UPF3A: variants seen among roughly 807,000 people sequenced by gnomAD.
UPF3A encodes UPF3A regulator of nonsense mediated mRNA decay.
UPF3A carries 42 observed loss-of-function variants against 53.5 expected under a neutral mutation model. The ratio of observed to expected loss-of-function variants is 0.78; its 90% CI spans 0.61 to 1.01. The LOEUF is 1.01. Among genes scored for constraint, UPF3A ranks in the 50% least tolerant of loss-of-function variants. The pLI, the probability that UPF3A is intolerant of heterozygous loss-of-function variation, is 0.00. For missense variants in UPF3A, 575 were observed against 598.0 expected (o/e 0.96, Z 0.40); for synonymous variants, 237 against 225.3 (o/e 1.05, Z -0.47).
At chr13:114,296,280 G>A (rs1566760017) in intron 7 of UPF3A, among the ~76,000 whole-genome samples, 1 of 152,216 alleles carries the variant, frequency 6.6e-6, no homozygotes, top group Non-Finnish European at 1.5e-5. Context: ...TTACTCAGGA[G>A]GCTGAGGCAG....
At chr13:114,301,696 T>C in intron 8 of UPF3A, 35 bp from the exon 9 acceptor site, 2 of 1,586,548 alleles carry the variant, frequency 1.3e-6, no homozygotes, top group Non-Finnish European at 1.7e-6. Flanking sequence ...ACCGGCGGTT[T>C]ACTGCAGTTG....
intron 5 of UPF3A, chr13:114,287,170 C>T (rs1042543844): frequency 3.3e-5 from 5 of 153,552 alleles, no homozygotes; most frequent in African/African-American, 9.7e-5. Context: ...CCAGTAGCAC[C>T]AACATACTTC....
rs961926289 is a variant in UPF3A, at chr13:114,286,835, C to G, written c.631+206C>G. 11 of 564,396 alleles carry G rather than the reference C, an allele frequency of 1.9e-5. No homozygotes were observed. In the Admixed American group the frequency reaches 3.4e-4, roughly 17 times the overall value. 35.0% of individuals were successfully genotyped at this position (564,396 alleles called of 1,614,324 possible). On this transcript the variant is annotated intron_variant, in intron 5 of 9. Transcript: ENST00000375299. ...TCTGAGCGTTGGTTGATGGAGAGCA[C>G]GTGATTTTTTTAGTTAAGATCATTT... is the stretch of plus-strand genomic sequence containing the variant.
At chr13:114,289,741 G>C (rs529126505) in intron 5 of UPF3A, among the ~76,000 whole-genome samples, 1 of 152,284 alleles carries the variant, frequency 6.6e-6, no homozygotes, top group East Asian at 1.9e-4. Context: ...CCTGGGTTCA[G>C]CTCTGAGACT....
In UPF3A at chr13:114,282,096, G is replaced by C; in HGVS notation, c.283G>C (p.Asp95His). The change falls in exon 2 of 10, where the codon GAC becomes CAC. Residue 95 changes from aspartate to histidine, a missense_variant. Asp to His is a moderately conservative substitution (Grantham distance 81). Transcript: ENST00000375299. ...EEQLRPLPAH[D>H]YFEFFAADLS... ...GCAGCTGCGCCCGCTGCCAGCACACGACTACTTCGAGTTCTTCGCCGCCGA... is the reference window on the plus strand; with the variant it reads ...GCAGCTGCGCCCGCTGCCAGCACACCACTACTTCGAGTTCTTCGCCGCCGA... 6.3e-7 allele frequency: 1 copy of C among 1,577,402 alleles called. No individual in the cohort carries two copies. Among genetic ancestry groups the C allele is most frequent in the Non-Finnish European group, 8.6e-7 (1 of 1,162,670 alleles).
chr13:114,290,273 A>C (rs1015388152), intron 5 of UPF3A, among the ~76,000 whole-genome samples: 1 of 152,154 alleles, frequency 6.6e-6, no homozygotes, highest in East Asian at 1.9e-4. Flanking sequence ...CTTCTGGGAC[A>C]GGTGCCATTT....
At chr13:114,296,699 G>A (rs2086064442) in intron 7 of UPF3A, among the ~76,000 whole-genome samples, 1 of 152,156 alleles carries the variant, frequency 6.6e-6, no homozygotes, top group Non-Finnish European at 1.5e-5. Context: ...TCTGAAAGGG[G>A]GGCAGTCTTG....
chr13:114,292,810 A>C (rs1197284622), intron 7 of UPF3A, among the ~76,000 whole-genome samples: 1 of 152,100 alleles, frequency 6.6e-6, no homozygotes, highest in Non-Finnish European at 1.5e-5. Flanking sequence ...TCCTTTAAAA[A>C]AAAGTTTTCC....
At chr13:114,304,440 C>G (rs369420319) in intron 9 of UPF3A, among the ~76,000 whole-genome samples, 1 of 152,208 alleles carries the variant, frequency 6.6e-6, no homozygotes, top group Non-Finnish European at 1.5e-5. Flanking sequence ...TTACTACTCA[C>G]GTTAATAAGT....
rs1010627920 is a variant in UPF3A, at chr13:114,298,373, C to CA, written c.847-450dup. Among the ~76,000 whole-genome samples the CA allele has an allele frequency of 8.9e-3, 1,012 of 114,216 alleles. 5 individuals are homozygous for CA. Among genetic ancestry groups the CA allele is most frequent in the Non-Finnish European group, 0.011 (597 of 53,120 alleles). The allele number at this position is 114,216 out of a possible 152,430, so 74.9% of individuals were successfully genotyped here. On this transcript the variant is annotated intron_variant, in intron 7 of 9. Transcript: ENST00000375299. Reference sequence around the variant, plus strand: ...GGGCAACAAGAGTGAAACTCCATCTCAAAAAAAAAAAAAAAAATTAGACGG... The same window carrying CA: ...GGGCAACAAGAGTGAAACTCCATCTCAAAAAAAAAAAAAAAAAATTAGACGG...
At chr13:114,295,413 AGCTCGTCTCCAGCG>A (rs1459934251) in intron 7 of UPF3A, among the ~76,000 whole-genome samples, 51 of 146,356 alleles carry the variant, frequency 3.5e-4, no homozygotes, top group Middle Eastern at 3.6e-3. Context: ...CGTGCTCCCC[AGCTCGTCTCCAGCG>A]GCTCTGGCCT....
intron 5 of UPF3A, chr13:114,286,897 C>T (rs2084747259): frequency 2.5e-6 from 1 of 393,596 alleles, no homozygotes; most frequent in East Asian, 4.9e-5. Flanking sequence ...GTGCAGAAGA[C>T]ACATGAATGG....
Position 114,291,512 on chromosome 13 carries a change from G to A in UPF3A, c.655G>A (p.Glu219Lys), listed in dbSNP as rs756993621. 1.2e-6 allele frequency: 2 copies of A among 1,608,156 alleles called. No individual in the cohort carries two copies. Among genetic ancestry groups the A allele is most frequent in the Non-Finnish European group, 1.7e-6 (2 of 1,178,250 alleles). ...LIARRTTPLL[E>K]YIKNRKLEKQ... ...AGCTAGAAGAACCACACCTCTTTTG[G>A]AATATATTAAAAATAGAAAATTAGA... Residue 219 changes from glutamate to lysine, a missense_variant, in exon 6 of 10, where the codon GAA becomes AAA. Physicochemically the swap from Glu to Lys is moderately conservative, Grantham distance 56 (BLOSUM62 1). Around this residue, in one of 2 missense-constraint regions of UPF3A, gnomAD observed 323 missense variants for 415.2 expected, o/e 0.78. Transcript: ENST00000375299.
chr13:114,299,556 C>T (rs1000817866), intron 8 of UPF3A, among the ~76,000 whole-genome samples: 1 of 152,228 alleles, frequency 6.6e-6, no homozygotes, highest in South Asian at 2.1e-4. Context: ...TGGCTGTGCA[C>T]TGTGGGTCCT....
intron 8 of UPF3A, among the ~76,000 whole-genome samples, chr13:114,300,909 A>C (rs955472632): frequency 6.6e-6 from 1 of 151,398 alleles, no homozygotes; most frequent in African/African-American, 2.4e-5. Context: ...TCCTGACCTC[A>C]AATGATCTGC....
Position 114,304,934 on chromosome 13 carries a change from G to A in UPF3A, c.*17G>A, listed in dbSNP as rs779629555. 3.7e-6 allele frequency: 6 copies of A among 1,609,240 alleles called. No individual in the cohort carries two copies. In the African/African-American group the frequency reaches 6.7e-5, roughly 18 times the overall value. ...GCAGAGTGAGTCACTGCACGCACCT[G>A]GCCTCCATGGACGAGCAAGGGCATC... is the stretch of plus-strand genomic sequence containing the variant. On this transcript the variant is annotated 3_prime_UTR_variant, in exon 10 of 10. Transcript: ENST00000375299.
intron 3 of UPF3A, chr13:114,285,549 T>C (rs2084600170): frequency 6.6e-6 from 1 of 150,454 alleles, no homozygotes. Flanking sequence ...TACTGACAAG[T>C]CAAAAAAAAA....
chr13:114,291,662 G>A lies in UPF3A; in HGVS notation c.716G>A (p.Arg239Gln), dbSNP rs778406286. 4.4e-6 allele frequency: 7 copies of A among 1,606,580 alleles called. No homozygotes were observed. Among genetic ancestry groups the A allele is most frequent in the Admixed American group, 3.4e-5 (2 of 58,732 alleles). ...QRIREEKREERRRRELEKKRL... is the reference protein window; with the variant it reads ...QRIREEKREEQRRRELEKKRL... ...ATTCGAGAAGAGAAGCGAGAAGAAC[G>A]GAGGAGGAGAGAGTTAGAAAAGAAA... The change falls in exon 7 of 10, where the codon CGG becomes CAG. Residue 239 changes from arginine (R) to glutamine (Q), a missense_variant. Transcript: ENST00000375299.
At chr13:114,300,275 C>T (rs969864507) in intron 8 of UPF3A, among the ~76,000 whole-genome samples, 9 of 152,232 alleles carry the variant, frequency 5.9e-5, no homozygotes, top group African/African-American at 1.9e-4. Context: ...GATGGATGTG[C>T]ACCTGGGCTC....
Sources: gnomAD v4.1 joint callset for allele counts (sites outside exome capture counted in the v4.1 genomes callset) on GRCh38, gnomAD v4.1.1 for gene constraint, gnomAD v4.1.1 regional missense constraint, MANE v1.5 for transcripts, NCBI Gene and HGNC (gene_info 2026-07-23, HGNC 2026-07-21) for gene names.